Variants in NTNG1 observed in about 807,000 individuals in gnomAD.
NTNG1 encodes the protein netrin G1.
In NTNG1, 16 loss-of-function variants were observed where a neutral mutation model predicts 54.0. That is an observed-to-expected ratio of 0.30 (90% CI 0.20 to 0.45). The LOEUF is 0.45. NTNG1 is among the 20% of genes least tolerant of loss of function. NTNG1 has a pLI of 1.00. For missense variants in NTNG1, 530 were observed against 678.7 expected, an observed-to-expected ratio of 0.78 and a Z score of 2.43; for synonymous variants, 255 against 263.1, an observed-to-expected ratio of 0.97 and a Z score of 0.30.
At chr1:107,357,517 A>G (rs1038821083) in intron 3 of NTNG1, among the ~76,000 whole-genome samples, 1 of 152,220 alleles carries the variant, frequency 6.6e-6, no homozygotes, top group South Asian at 2.1e-4. Flanking sequence ...CAGACATTTC[A>G]TAGTTCCTTA....
At chr1:107,461,878 C>T (rs1194602041) in intron 7 of NTNG1, among the ~76,000 whole-genome samples, 2 of 152,020 alleles carry the variant, frequency 1.3e-5, no homozygotes, top group East Asian at 1.9e-4. Flanking sequence ...TGAGCAGAGG[C>T]GTGCCATGAT....
chr1:107,309,637 C>T (rs559120000), intron 2 of NTNG1, among the ~76,000 whole-genome samples: 9 of 152,262 alleles, frequency 5.9e-5, no homozygotes, highest in South Asian at 4.1e-4. Flanking sequence ...TCTGCTTCAT[C>T]GCTTGTTTGA....
chr1:107,328,277 G>A (rs12024387), intron 3 of NTNG1, among the ~76,000 whole-genome samples: 25,526 of 152,070 alleles, frequency 0.17, 2,784 homozygotes, highest in East Asian at 0.33. Context: ...TAACAGACGA[G>A]TGCAGTGTGC....
At chr1:107,327,694 T>A (rs1270983482) in intron 3 of NTNG1, among the ~76,000 whole-genome samples, 1 of 152,068 alleles carries the variant, frequency 6.6e-6, no homozygotes, top group Non-Finnish European at 1.5e-5. Flanking sequence ...TTTCTACTTG[T>A]TACTTCTATC....
At chr1:107,389,881 G>A (rs554106085) in intron 3 of NTNG1, among the ~76,000 whole-genome samples, 7 of 152,314 alleles carry the variant, frequency 4.6e-5, no homozygotes, top group East Asian at 1.9e-4. Flanking sequence ...ATAAATAGAC[G>A]TGGGAGCTGG....
At chr1:107,342,522 A>T (rs1668962119) in intron 3 of NTNG1, among the ~76,000 whole-genome samples, 1 of 152,148 alleles carries the variant, frequency 6.6e-6, no homozygotes, top group Non-Finnish European at 1.5e-5. Flanking sequence ...AATCATTGCA[A>T]TATGTTAAAT....
chr1:107,322,175 C>T (rs1667698253), intron 2 of NTNG1, among the ~76,000 whole-genome samples: 1 of 152,042 alleles, frequency 6.6e-6, no homozygotes, highest in South Asian at 2.1e-4. Flanking sequence ...CTCATGTGGC[C>T]CCAGTGCCCT....
chr1:107,442,806 A>ATGAAACGGCGT (rs11268973), intron 7 of NTNG1, among the ~76,000 whole-genome samples: 1 of 151,930 alleles, frequency 6.6e-6, no homozygotes, highest in East Asian at 1.9e-4. Flanking sequence ...GTTTTTTCAT[A>ATGAAACGGCGT]TGAAGCAGCT....
intron 2 of NTNG1, among the ~76,000 whole-genome samples, chr1:107,173,935 A>G (rs1368525583): frequency 6.6e-6 from 1 of 152,068 alleles, no homozygotes; most frequent in African/African-American, 2.4e-5. Flanking sequence ...ACTAGTCAAC[A>G]CTACCTTTGA....
intron 3 of NTNG1, among the ~76,000 whole-genome samples, chr1:107,334,790 A>T (rs968558900): frequency 3.9e-5 from 6 of 151,994 alleles, no homozygotes; most frequent in Non-Finnish European, 7.4e-5. Flanking sequence ...GGCGCATATT[A>T]AAAGTTCAAT....
rs141660493 is a variant in NTNG1, at chr1:107,175,955, T to A, written c.246+27116T>A. ...AAGTACAGATTCTTGCTGGGGGTTGTGTGAAGTTTAATTCAGCAATTCAGT... is the reference window on the plus strand; with the variant it reads ...AAGTACAGATTCTTGCTGGGGGTTGAGTGAAGTTTAATTCAGCAATTCAGT... On this transcript the variant is annotated intron_variant, in intron 2 of 7. Transcript: ENST00000370068. Among the ~76,000 whole-genome samples, 54 of 152,292 alleles carry A rather than the reference T, an allele frequency of 3.5e-4. 1 individual carries two copies. Among genetic ancestry groups the A allele is most frequent in the Middle Eastern group, 3.4e-3 (1 of 294 alleles).
intron 2 of NTNG1, among the ~76,000 whole-genome samples, chr1:107,204,784 G>T (rs749700974): frequency 2.6e-5 from 4 of 152,090 alleles, no homozygotes; most frequent in Non-Finnish European, 4.4e-5. Flanking sequence ...CTGTTTCCCT[G>T]CCTCCTACCC....
intron 2 of NTNG1, among the ~76,000 whole-genome samples, chr1:107,280,001 G>A (rs1664726157): frequency 6.6e-6 from 1 of 150,826 alleles, no homozygotes; most frequent in Non-Finnish European, 1.5e-5. Flanking sequence ...TGATGGAAAA[G>A]TCTGATGACT....
intron 2 of NTNG1, among the ~76,000 whole-genome samples, chr1:107,288,601 G>A (rs1044967693): frequency 3.3e-5 from 5 of 152,068 alleles, no homozygotes; most frequent in Non-Finnish European, 5.9e-5. Context: ...AAGGGAGTAA[G>A]GAAAGGTGGT....
Position 107,312,073 on chromosome 1 carries a change from T to C in NTNG1, c.247-12209T>C, listed in dbSNP as rs181388383. On this transcript the variant is annotated intron_variant, in intron 2 of 7. Coordinates refer to ENST00000370068, the MANE Select transcript of NTNG1 (RefSeq NM_001113226.3). ...GATTTCGGTTGTAGAAAGATCACTT[T>C]AGCAGCTATGCAGAAAATAGGTTAT... 1.4e-3 allele frequency among the ~76,000 whole-genome samples: 206 copies of C among 152,342 alleles called. 2 individuals carry two copies. The highest frequency in any genetic ancestry group is 4.5e-3 in the African/African-American group (189 of 41,588).
At chr1:107,188,849 T>C (rs1158690184) in intron 2 of NTNG1, among the ~76,000 whole-genome samples, 1 of 152,018 alleles carries the variant, frequency 6.6e-6, no homozygotes, top group Non-Finnish European at 1.5e-5. Context: ...TGATTACAAA[T>C]GTAGGGATCA....
At chr1:107,370,678 T>A (rs1670868007) in intron 3 of NTNG1, among the ~76,000 whole-genome samples, 1 of 152,134 alleles carries the variant, frequency 6.6e-6, no homozygotes, top group African/African-American at 2.4e-5. Flanking sequence ...TTGCTGCTAA[T>A]GCCATTAATT....
chr1:107,157,631 A>C (rs1315843858), intron 2 of NTNG1, among the ~76,000 whole-genome samples: 1 of 152,180 alleles, frequency 6.6e-6, no homozygotes, highest in Non-Finnish European at 1.5e-5. Context: ...ATATAGGGAC[A>C]TATTTGAAGG....
intron 5 of NTNG1, among the ~76,000 whole-genome samples, chr1:107,412,630 T>C (rs1673900451): frequency 1.3e-5 from 2 of 152,088 alleles, no homozygotes; most frequent in Non-Finnish European, 2.9e-5. Flanking sequence ...AACTGTAGAG[T>C]CCTGGAGAAA....
Sources: allele counts gnomAD v4.1 joint callset (sites outside exome capture counted in the v4.1 genomes callset), GRCh38; gene constraint gnomAD v4.1.1; transcripts MANE v1.5; gene names NCBI Gene and HGNC (gene_info 2026-07-23, HGNC 2026-07-21).